Variants in DOCK3 observed in about 807,000 individuals in gnomAD.
DOCK3 encodes dedicator of cytokinesis protein 3.
Under a neutral mutation model 265.6 loss-of-function variants are expected in DOCK3, and 60 were observed. The ratio of observed to expected loss-of-function variants is 0.23; its 90% CI spans 0.18 to 0.28. The LOEUF is 0.28. DOCK3 is among the 10% of genes least tolerant of loss of function. DOCK3 has a pLI of 1.00. For missense variants in DOCK3, 1,981 were observed against 2,594.3 expected, an observed-to-expected ratio of 0.76 and a Z score of 5.14; for synonymous variants, 881 against 938.0, an observed-to-expected ratio of 0.94 and a Z score of 1.11.
chr3:51,210,238 C>G (rs1287966174), intron 13 of DOCK3, among the ~76,000 whole-genome samples: 7 of 152,154 alleles, frequency 4.6e-5, no homozygotes, highest in African/African-American at 1.7e-4. Context: ...GTCTTGCTCC[C>G]CAGAGCGAGC....
intron 1 of DOCK3, among the ~76,000 whole-genome samples, chr3:50,739,410 A>G (rs1319199198): frequency 6.6e-6 from 1 of 152,066 alleles, no homozygotes; most frequent in African/African-American, 2.4e-5. Context: ...GCATTGTTCT[A>G]CAGTACCTTC....
intron 9 of DOCK3, among the ~76,000 whole-genome samples, chr3:51,130,456 C>A (rs973222824): frequency 6.6e-6 from 1 of 152,180 alleles, no homozygotes; most frequent in Non-Finnish European, 1.5e-5. Context: ...TACCAGGTAC[C>A]AGGAGATGTG....
At chr3:50,886,372 G>T (rs2048338442) in intron 3 of DOCK3, among the ~76,000 whole-genome samples, 1 of 151,458 alleles carries the variant, frequency 6.6e-6, no homozygotes, top group African/African-American at 2.4e-5. Context: ...TTTAGCTATG[G>T]TTACGTGCAG....
chr3:50,967,561 G>A (rs2077068770), intron 5 of DOCK3, among the ~76,000 whole-genome samples: 1 of 152,096 alleles, frequency 6.6e-6, no homozygotes, highest in Admixed American at 6.5e-5. Flanking sequence ...CCTGAGACTG[G>A]GTAATTTATA....
At chr3:51,244,604 A>C (rs943587738) in intron 21 of DOCK3, among the ~76,000 whole-genome samples, 3 of 152,190 alleles carry the variant, frequency 2.0e-5, no homozygotes, top group Admixed American at 6.5e-5. Flanking sequence ...GGTTTTCTAC[A>C]TATAAGATTA....
chr3:50,861,299 T>C (rs1266979956), intron 3 of DOCK3, among the ~76,000 whole-genome samples: 1 of 152,204 alleles, frequency 6.6e-6, no homozygotes, highest in Non-Finnish European at 1.5e-5. Flanking sequence ...CTTTTGTTCC[T>C]GTGAGAGCCA....
intron 22 of DOCK3, among the ~76,000 whole-genome samples, chr3:51,251,686 T>C (rs1179288735): frequency 1.3e-5 from 2 of 152,266 alleles, no homozygotes; most frequent in Non-Finnish European, 2.9e-5. Context: ...GAAGTGTCTG[T>C]TCATATCCTT....
intron 5 of DOCK3, among the ~76,000 whole-genome samples, chr3:50,958,090 CCTGT>C (rs2076778114): frequency 6.6e-6 from 1 of 152,160 alleles, no homozygotes; most frequent in East Asian, 1.9e-4. Context: ...TCTAATTTCT[CCTGT>C]CTTTGTCCAG....
intron 2 of DOCK3, among the ~76,000 whole-genome samples, chr3:50,820,321 C>T (rs959517806): frequency 5.9e-5 from 9 of 152,152 alleles, no homozygotes; most frequent in Admixed American, 2.0e-4. Context: ...CAAGTAGGAG[C>T]GATCATGTAT....
At chr3:51,354,837 C>T in intron 40 of DOCK3, 45 bp from the exon 41 acceptor site, 2 of 1,592,222 alleles carry the variant, frequency 1.3e-6, no homozygotes, top group Non-Finnish European at 8.6e-7. Flanking sequence ...AGGTGGGGGG[C>T]TACAAGCAAA....
intron 9 of DOCK3, among the ~76,000 whole-genome samples, chr3:51,099,658 C>T (rs4356848): frequency 0.76 from 115,559 of 152,174 alleles, 44,887 homozygotes; most frequent in Middle Eastern, 0.88. Context: ...TATTTTTACA[C>T]CTGCTATGTG....
At chr3:50,687,096 G>A (rs1463991690) in intron 1 of DOCK3, among the ~76,000 whole-genome samples, 1 of 150,940 alleles carries the variant, frequency 6.6e-6, no homozygotes, top group Non-Finnish European at 1.5e-5. Context: ...TGTAATCCCA[G>A]CTACTCGGGA....
At chr3:51,100,307 T>C (rs2083033001) in intron 9 of DOCK3, among the ~76,000 whole-genome samples, 1 of 152,192 alleles carries the variant, frequency 6.6e-6, no homozygotes, top group South Asian at 2.1e-4. Context: ...GAATTTTCTG[T>C]TTTTTGTGGT....
rs552145511 is a variant in DOCK3, at chr3:51,119,945, C to T, written c.747-26604C>T. On this transcript the variant is annotated intron_variant, in intron 9 of 52. Coordinates refer to ENST00000266037, the MANE Select transcript of DOCK3 (RefSeq NM_004947.5). The stretch of plus-strand genomic sequence containing the variant: ...CTTGGAGGAGTTTGTTATTACCCAC[C>T]TTCTGAAGCCTACTTCTGTCAATTC... Among the ~76,000 whole-genome samples, 17 of 152,154 alleles carry T rather than the reference C, an allele frequency of 1.1e-4. No individual in the cohort carries two copies. The East Asian group carries it at 3.3e-3, about 30-fold the overall frequency.
At chr3:50,998,462 C>T (rs1287805046) in intron 5 of DOCK3, among the ~76,000 whole-genome samples, 6 of 152,038 alleles carry the variant, frequency 3.9e-5, no homozygotes, top group Non-Finnish European at 5.9e-5. Context: ...CAGTGGTTTA[C>T]GAATGAGTTG....
chr3:51,041,182 A>G (rs530146389), intron 5 of DOCK3, among the ~76,000 whole-genome samples: 1 of 10,106 alleles, frequency 9.9e-5, no homozygotes, highest in Non-Finnish European at 1.7e-4. Flanking sequence ...ATATATATAT[A>G]TATATATATA....
intron 23 of DOCK3, among the ~76,000 whole-genome samples, chr3:51,268,782 A>G (rs533287210): frequency 3.9e-5 from 6 of 152,202 alleles, no homozygotes; most frequent in South Asian, 2.1e-4. Flanking sequence ...AAGGAACTCT[A>G]TAAGGGAGTA....
rs1009418527 is a variant in DOCK3 at position 50,954,433 on chromosome 3, C to A, written c.315+20356C>A. 3.3e-5 allele frequency among the ~76,000 whole-genome samples: 5 copies of A among 152,218 alleles called. No homozygotes were observed. The East Asian group carries it at 9.6e-4, about 29-fold the overall frequency. ...AAATCCTATCTAGGTCACTCACATG[C>A]TCTATGACCTGATGGAGATTTGTAA... On this transcript the variant is annotated intron_variant, in intron 5 of 52. Transcript: ENST00000266037.
At chr3:50,883,894 C>A (rs954585995) in intron 3 of DOCK3, among the ~76,000 whole-genome samples, 2 of 152,078 alleles carry the variant, frequency 1.3e-5, no homozygotes, top group African/African-American at 4.8e-5. Context: ...ACTTTTTCAT[C>A]CTCCTGCTGC....
Sources: allele counts gnomAD v4.1 joint callset (sites outside exome capture counted in the v4.1 genomes callset), GRCh38; gene constraint gnomAD v4.1.1; transcripts MANE v1.5; gene names NCBI Gene and HGNC (gene_info 2026-07-23, HGNC 2026-07-21).